Variants in PLCZ1 observed in about 807,000 individuals in gnomAD.
PLCZ1 encodes 1-phosphatidylinositol 4,5-bisphosphate phosphodiesterase zeta-1.
Under a neutral mutation model 76.8 loss-of-function variants are expected in PLCZ1, and 64 were observed. The observed-to-expected ratio is 0.83, with a 90% CI of 0.68 to 1.03. PLCZ1 has a LOEUF of 1.03. Among genes scored for constraint, PLCZ1 ranks in the 50% least tolerant of loss-of-function variants. PLCZ1 has a pLI of 0.00. For synonymous variants in PLCZ1, 248 were observed against 230.8 expected (o/e 1.07, Z -0.68); for missense variants, 751 against 713.7 (o/e 1.05, Z -0.60).
the PLCZ1 span, among the ~76,000 whole-genome samples, chr12:18,677,208 ATGCACAAAT>A: frequency 1.3e-5 from 2 of 152,126 alleles, no homozygotes; most frequent in African/African-American, 4.8e-5. Flanking sequence ...CCACAATATG[ATGCACAAAT>A]ATGTGAGCAC....
intron 12 of PLCZ1, 39 bp from the exon 13 acceptor site, chr12:18,688,257 A>G: frequency 6.4e-7 from 1 of 1,563,724 alleles, no homozygotes; most frequent in South Asian, 1.2e-5. Flanking sequence ...TTAGCAAGAT[A>G]TTAAGTTACA....
rs369391293 is a variant in PLCZ1, at chr12:18,701,452, T to A, written c.1017+49A>T. ...TTAAAAAAATCTCCAAGAATAAAATTAGAAAACTTTCCAATCACTTGTAAG... is the reference window on the plus strand; with the variant it reads ...TTAAAAAAATCTCCAAGAATAAAATAAGAAAACTTTCCAATCACTTGTAAG... On this transcript the variant is annotated intron_variant, in intron 9 of 14. Coordinates refer to ENST00000266505, the MANE Select transcript of PLCZ1 (RefSeq NM_033123.4). 4.2e-5 allele frequency: 68 copies of A among 1,610,662 alleles called. No homozygotes were observed. In the African/African-American group the frequency reaches 8.2e-4, roughly 19 times the overall value.
intron 3 of PLCZ1, among the ~76,000 whole-genome samples, chr12:18,730,762 TAAAG>T (rs1307836535): frequency 6.6e-6 from 1 of 152,200 alleles, no homozygotes; most frequent in Non-Finnish European, 1.5e-5. Flanking sequence ...GAAGATAACA[TAAAG>T]AAACTTGATA....
the PLCZ1 span, among the ~76,000 whole-genome samples, chr12:18,660,406 C>G: frequency 6.6e-6 from 1 of 152,148 alleles, no homozygotes; most frequent in Non-Finnish European, 1.5e-5. Flanking sequence ...GCAAGCCCTT[C>G]CCTCTCCAGC....
At chr12:18,702,877 G>T (rs1956128292) in intron 7 of PLCZ1, among the ~76,000 whole-genome samples, 1 of 139,568 alleles carries the variant, frequency 7.2e-6, no homozygotes, top group Non-Finnish European at 1.5e-5. Flanking sequence ...ATGGAGTGCA[G>T]TGACATGATC....
chr12:18,662,558 A>G, the PLCZ1 span, among the ~76,000 whole-genome samples: 1 of 152,142 alleles, frequency 6.6e-6, no homozygotes, highest in African/African-American at 2.4e-5. Context: ...TACATGAACA[A>G]TTATAAAAAT....
the PLCZ1 span, among the ~76,000 whole-genome samples, chr12:18,675,962 A>C: frequency 6.6e-6 from 1 of 152,128 alleles, no homozygotes; most frequent in South Asian, 2.1e-4. Flanking sequence ...AAACATCACA[A>C]TTATATAGCC....
the PLCZ1 span, among the ~76,000 whole-genome samples, chr12:18,670,725 G>C: frequency 6.6e-6 from 1 of 152,188 alleles, no homozygotes; most frequent in Non-Finnish European, 1.5e-5. Context: ...CAGCTCTTCA[G>C]TGTTCTTTTT....
chr12:18,706,903 CA>C (rs1010318551), intron 6 of PLCZ1, among the ~76,000 whole-genome samples: 1 of 152,226 alleles, frequency 6.6e-6, no homozygotes, highest in Non-Finnish European at 1.5e-5. Flanking sequence ...TCACTGGTCT[CA>C]AATCAAGGTG....
intron 2 of PLCZ1, chr12:18,736,802 T>G: frequency 3.2e-6 from 2 of 618,434 alleles, no homozygotes; most frequent in Non-Finnish European, 5.3e-6. Flanking sequence ...CGAACACAGT[T>G]TCTGCTACTT....
chr12:18,712,887 A>C lies in PLCZ1; in HGVS notation c.669T>G (p.Leu223=), dbSNP rs774232473. The change falls in exon 6 of 15, where the codon CTT becomes CTG. Residue 223 remains leucine (L), a synonymous_variant. Transcript: ENST00000266505. ...TAGCTTGGATAACAGTTTTAAACAG[A>C]AGTTTGCTTGTGAGTGTGTAGCCAT... ...VYHGYTLTSK[L]LFKTVIQAIH... 6.2e-7 allele frequency: 1 copy of C among 1,613,968 alleles called. No homozygotes were observed. The highest frequency in any genetic ancestry group is 1.1e-5 in the South Asian group (1 of 91,084).
intron 13 of PLCZ1, among the ~76,000 whole-genome samples, chr12:18,684,764 C>A (rs886811948): frequency 3.3e-5 from 5 of 151,946 alleles, no homozygotes; most frequent in African/African-American, 1.2e-4. Context: ...TATGGTTAAG[C>A]TTTGTGCCCC....
intron 12 of PLCZ1, 40 bp from the exon 13 acceptor site, chr12:18,688,258 T>C (rs1953483726): frequency 6.4e-7 from 1 of 1,564,106 alleles, no homozygotes; most frequent in Non-Finnish European, 8.7e-7. Context: ...TAGCAAGATA[T>C]TAAGTTACAT....
intron 12 of PLCZ1, among the ~76,000 whole-genome samples, chr12:18,688,619 A>G (rs1953557634): frequency 6.6e-6 from 1 of 151,922 alleles, no homozygotes; most frequent in African/African-American, 2.4e-5. Flanking sequence ...TAAAAAATGT[A>G]CCATTTAACT....
At chr12:18,669,902 C>A in the PLCZ1 span, among the ~76,000 whole-genome samples, 1 of 152,212 alleles carries the variant, frequency 6.6e-6, no homozygotes, top group East Asian at 1.9e-4. Flanking sequence ...AACTCCTGAC[C>A]TTGTGATCCG....
chr12:18,677,938 T>TTG, the PLCZ1 span, among the ~76,000 whole-genome samples: 1 of 151,976 alleles, frequency 6.6e-6, no homozygotes, highest in Non-Finnish European at 1.5e-5. Context: ...TGTGGTGTGT[T>TTG]TGTGTGTGTG....
At chr12:18,704,969 A>G (rs771897751) in intron 7 of PLCZ1, among the ~76,000 whole-genome samples, 197 bp downstream of exon 7, 6 of 152,182 alleles carry the variant, frequency 3.9e-5, no homozygotes, top group Non-Finnish European at 7.3e-5. Flanking sequence ...GTATATATAT[A>G]TAAATTTTAA....
chr12:18,667,536 T>C, the PLCZ1 span, among the ~76,000 whole-genome samples: 9 of 152,162 alleles, frequency 5.9e-5, no homozygotes, highest in Non-Finnish European at 1.2e-4. Flanking sequence ...TTTTAAAACA[T>C]ATTTAAGACT....
rs1956436845 is a variant in PLCZ1, at chr12:18,705,087, A to G, written c.864+79T>C. 3.3e-6 allele frequency: 5 copies of G among 1,535,378 alleles called. No homozygotes were observed. The Admixed American group carries it at 5.0e-5, about 15-fold the overall frequency. On this transcript the variant is annotated intron_variant, in intron 7 of 14. Transcript: ENST00000266505. The stretch of plus-strand genomic sequence containing the variant: ...AAGCATTTTCATTGGTCTCTAGCCC[A>G]GTTTCACAGGCCAATATAACAGTGA...
Sources: gnomAD v4.1 joint callset for allele counts (sites outside exome capture counted in the v4.1 genomes callset) on GRCh38, gnomAD v4.1.1 for gene constraint, MANE v1.5 for transcripts, NCBI Gene and HGNC (gene_info 2026-07-23, HGNC 2026-07-21) for gene names.